ADGRL1: variants seen among roughly 807,000 people sequenced by gnomAD.
ADGRL1 encodes the protein CIRL-1.
Under a neutral mutation model 148.9 loss-of-function variants are expected in ADGRL1, and 31 were observed. That is an observed-to-expected ratio of 0.21 (90% CI 0.16 to 0.28). The LOEUF is 0.28. Among genes scored for constraint, ADGRL1 ranks in the 10% least tolerant of loss-of-function variants. The pLI is 1.00. For missense variants in ADGRL1, 1,521 were observed against 2,058.8 expected (o/e 0.74, Z 5.05); for synonymous variants, 937 against 900.3 (o/e 1.04, Z -0.73).
rs1255599046 is a variant in ADGRL1, at chr19:14,150,754, G to A, written c.*119C>T. 4 of 1,257,630 alleles carry A rather than the reference G, an allele frequency of 3.2e-6. No homozygotes were observed. Among genetic ancestry groups the A allele is most frequent in the Non-Finnish European group, 4.4e-6 (4 of 914,668 alleles). The allele number at this position is 1,257,630 out of a possible 1,614,324, so 77.9% of individuals were successfully genotyped here. On this transcript the variant is annotated 3_prime_UTR_variant, in exon 23 of 23. Transcript: ENST00000361434. ...GGGACTGTAGGGCCCATGGCTGAGGGGCACCTGGAGAGAGTGGCCCACCAG... is the reference window on the plus strand; with the variant it reads ...GGGACTGTAGGGCCCATGGCTGAGGAGCACCTGGAGAGAGTGGCCCACCAG...
chr19:14,192,441 A>G (rs1284741262), intron 1 of ADGRL1, among the ~76,000 whole-genome samples: 2 of 152,034 alleles, frequency 1.3e-5, no homozygotes, highest in Non-Finnish European at 2.9e-5. Context: ...ACGTTTTGCC[A>G]TGTTGGTCAG....
At position 14,156,681 on chromosome 19, in the gene ADGRL1, C is replaced by G; in HGVS notation, c.3010G>C (p.Gly1004Arg). The change falls in exon 16 of 23, where the codon GGG (glycine) becomes CGG (arginine). Residue 1004 changes from glycine to arginine, a missense_variant. Gly to Arg is a moderately radical substitution (Grantham distance 125). This residue lies in a region of ADGRL1 where 185 missense variants were observed against 251.7 expected (regional missense o/e 0.74). Coordinates refer to ENST00000361434, the MANE Select transcript of ADGRL1 (RefSeq NM_014921.5). ...ACCACGATAACGAAGGAGACTGGCC[C>G]GATGAAACTCCAGATGAAGTAATTG... ...VDNYFIWSFIGPVSFVIVVNL... is the reference protein window; with the variant it reads ...VDNYFIWSFIRPVSFVIVVNL... 1 of 1,611,460 alleles carries G rather than the reference C, an allele frequency of 6.2e-7. No individual in the cohort carries two copies. The highest frequency in any genetic ancestry group is 8.5e-7 in the Non-Finnish European group (1 of 1,178,994).
intron 1 of ADGRL1, among the ~76,000 whole-genome samples, chr19:14,190,809 C>T (rs1192022478): frequency 6.6e-6 from 1 of 151,790 alleles, no homozygotes; most frequent in Non-Finnish European, 1.5e-5. Context: ...CAATCTTGGC[C>T]GGGCGCAGTG....
At chr19:14,184,642 A>ATT (rs1283218279) in intron 1 of ADGRL1, among the ~76,000 whole-genome samples, 32 of 107,880 alleles carry the variant, frequency 3.0e-4, no homozygotes, top group South Asian at 1.2e-3. Flanking sequence ...TTATTTATTT[A>ATT]TTTATTTTTT....
chr19:14,192,811 A>T (rs1361694778), intron 1 of ADGRL1, among the ~76,000 whole-genome samples: 1 of 152,068 alleles, frequency 6.6e-6, no homozygotes, highest in African/African-American at 2.4e-5. Context: ...TCGGCCTCCC[A>T]AAGTGCTGAG....
At chr19:14,181,549 T>A (rs1425648662) in intron 2 of ADGRL1, among the ~76,000 whole-genome samples, 1 of 151,936 alleles carries the variant, frequency 6.6e-6, no homozygotes, top group Non-Finnish European at 1.5e-5. Flanking sequence ...TGAAACCCTG[T>A]CTCTACTAAA....
intron 1 of ADGRL1, 109 bp downstream of exon 1, chr19:14,205,876 C>G (rs1972974784): frequency 6.6e-6 from 1 of 151,936 alleles, no homozygotes; most frequent in African/African-American, 2.4e-5. Flanking sequence ...CCCCTCGCGG[C>G]CAGGACAGGC....
At position 14,161,734 on chromosome 19, in the gene ADGRL1, T is replaced by G; in HGVS notation, c.1196-108A>C. The G allele has an allele frequency of 1.3e-6, 1 of 773,488 alleles. No homozygotes were observed. The highest frequency in any genetic ancestry group is 1.8e-6 in the Non-Finnish European group (1 of 549,398). 47.9% of individuals were successfully genotyped at this position (773,488 alleles called of 1,614,324 possible). A position where few individuals can be genotyped will look rare whatever the true frequency, so the allele number is the denominator to read the frequency against. On this transcript the variant is annotated intron_variant, in intron 5 of 22. Coordinates refer to ENST00000361434, the MANE Select transcript of ADGRL1 (RefSeq NM_014921.5). The surrounding 1 kb of genome is among the most constrained non-coding windows in gnomAD (Gnocchi z 4.4). ...TTAGCATCTTCCTCATCTACTGAAG[T>G]GGAAACACGTGCCGGGCCCCACTGG... is the stretch of plus-strand genomic sequence containing the variant.
At chr19:14,185,200 TCTTTG>T (rs1040519944) in intron 1 of ADGRL1, among the ~76,000 whole-genome samples, 8 of 152,148 alleles carry the variant, frequency 5.3e-5, no homozygotes, top group African/African-American at 1.9e-4. Flanking sequence ...TGTCCTCAGC[TCTTTG>T]CTTTATCTAC....
At chr19:14,167,457 T>C (rs1355746733) in intron 4 of ADGRL1, among the ~76,000 whole-genome samples, 1 of 151,812 alleles carries the variant, frequency 6.6e-6, no homozygotes, top group Non-Finnish European at 1.5e-5. Flanking sequence ...CAGGGAGTGG[T>C]GGGGTGGATA....
In ADGRL1 at chr19:14,164,356, GAC is replaced by G. The variant is rs1046230117; in HGVS notation, c.395-952_395-951del. Among the ~76,000 whole-genome samples the G allele has an allele frequency of 4.6e-5, 7 of 152,234 alleles. 1 individual carries two copies. In the South Asian group the frequency reaches 1.2e-3, roughly 27 times the overall value. On this transcript the variant is annotated intron_variant, in intron 4 of 22. Transcript: ENST00000361434. ...AGGAGAGCTGTGCAGAGGGAAGAGA[GAC>G]AAGGGCGTATGGGGCTTGGCGAGGT...
At chr19:14,165,555 C>T (rs964458038) in intron 4 of ADGRL1, among the ~76,000 whole-genome samples, 1 of 152,170 alleles carries the variant, frequency 6.6e-6, no homozygotes, top group African/African-American at 2.4e-5. Context: ...ACTCCCAATC[C>T]CTCCTCTTCC....
rs895679789 is a variant in ADGRL1, at chr19:14,160,412, G to A, written c.1615-115C>T. On this transcript the variant is annotated intron_variant, in intron 7 of 22. Coordinates refer to ENST00000361434, the MANE Select transcript of ADGRL1 (RefSeq NM_014921.5). This position sits in a 1 kb window ranked among gnomAD's most constrained non-coding sequence, Gnocchi z 5.9. ...CTATCTCTCTCTCCACTTCCCCATC[G>A]CCATCTGCCCCTTCCCACCCCATCT... 1.2e-5 allele frequency: 13 copies of A among 1,048,698 alleles called. No individual in the cohort carries two copies. Among genetic ancestry groups the A allele is most frequent in the Non-Finnish European group, 1.6e-5 (12 of 732,642 alleles). 65.0% of individuals were successfully genotyped at this position (1,048,698 alleles called of 1,614,324 possible). A position where few individuals can be genotyped will look rare whatever the true frequency, so the allele number is the denominator to read the frequency against.
rs1411040355 is a variant in ADGRL1, at chr19:14,163,094, C to T, written c.707G>A (p.Arg236His). The T allele has an allele frequency of 5.6e-6, 9 of 1,613,944 alleles. No homozygotes were observed. Among genetic ancestry groups the T allele is most frequent in the South Asian group, 3.3e-5 (3 of 91,094 alleles). Residue 236 changes from arginine to histidine, a missense_variant, in exon 5 of 23, where the codon CGC (arginine) becomes CAC (histidine). By Grantham distance (29) the Arg-to-His change is conservative. This residue lies in a region of ADGRL1 where 334 missense variants were observed against 512.5 expected (regional missense o/e 0.65). Coordinates refer to ENST00000361434, the MANE Select transcript of ADGRL1 (RefSeq NM_014921.5). Reference sequence around the variant, plus strand: ...GATGACCGTCTCCCCGCTCTTGATGCGCGTCCGTAGGTCATACTTGACGAT... The same window carrying T: ...GATGACCGTCTCCCCGCTCTTGATGTGCGTCCGTAGGTCATACTTGACGAT... ...RNIVKYDLRT[R>H]IKSGETVINT...
rs759478420 is a variant in ADGRL1, at chr19:14,161,992, GC to G, written c.1196-367del. Among the ~76,000 whole-genome samples the G allele has an allele frequency of 3.9e-5, 6 of 152,234 alleles. No individual in the cohort carries two copies. Among genetic ancestry groups the G allele is most frequent in the Non-Finnish European group, 8.8e-5 (6 of 68,004 alleles). ...AGGTCAGCCCCGCCACCAGGTGGGGGCTGAATACCACCGCCCCCCATCCTCG... is the reference window on the plus strand; with the variant it reads ...AGGTCAGCCCCGCCACCAGGTGGGGGTGAATACCACCGCCCCCCATCCTCG... On this transcript the variant is annotated intron_variant, in intron 5 of 22. Coordinates refer to ENST00000361434, the MANE Select transcript of ADGRL1 (RefSeq NM_014921.5). This position sits in a 1 kb window ranked among gnomAD's most constrained non-coding sequence, Gnocchi z 4.4.
At position 14,163,025 on chromosome 19, in the gene ADGRL1, C is replaced by A; in HGVS notation, c.776G>T (p.Gly259Val). The A allele has an allele frequency of 3.7e-6, 6 of 1,614,120 alleles. No homozygotes were observed. The highest frequency in any genetic ancestry group is 5.1e-6 in the Non-Finnish European group (6 of 1,180,036). The stretch of plus-strand genomic sequence containing the variant: ...CACCGCCAGGTCAATGTCGGTCTTT[C>A]CGCCCCAGCGGTAGGGCGAGGTGTC... Reference protein sequence around the residue: ...YHDTSPYRWGGKTDIDLAVDE... With the variant: ...YHDTSPYRWGVKTDIDLAVDE... The change falls in exon 5 of 23, where the codon GGA (glycine) becomes GTA (valine). Residue 259 changes from glycine to valine, a missense_variant. By Grantham distance (109) the Gly-to-Val change is moderately radical (BLOSUM62 -3). Coordinates refer to ENST00000361434, the MANE Select transcript of ADGRL1 (RefSeq NM_014921.5).
chr19:14,182,714 C>G (rs1971283825), intron 2 of ADGRL1, among the ~76,000 whole-genome samples: 1 of 152,178 alleles, frequency 6.6e-6, no homozygotes, highest in African/African-American at 2.4e-5. Flanking sequence ...CCCTCCCGGC[C>G]CAGCTGGGGC....
chr19:14,152,019 T>C lies in ADGRL1; in HGVS notation c.3667+114A>G. ...GGCTGTGTGTCGGGGGGTGGGGAAA[T>C]GTGGGCATGGGGAGGCATCCCGAGT... On this transcript the variant is annotated intron_variant, in intron 22 of 22. Transcript: ENST00000361434. The surrounding 1 kb of genome is among the most constrained non-coding windows in gnomAD (Gnocchi z 6.1). The C allele has an allele frequency of 1.1e-6, 1 of 946,882 alleles. No individual in the cohort carries two copies. The allele number at this position is 946,882 out of a possible 1,614,324, so 58.7% of individuals were successfully genotyped here.
intron 18 of ADGRL1, among the ~76,000 whole-genome samples, chr19:14,154,262 A>G (rs150406640): frequency 6.6e-6 from 1 of 152,282 alleles, no homozygotes; most frequent in African/African-American, 2.4e-5. Flanking sequence ...CAGGATTCTC[A>G]TGATCACTGC....
Sources: gnomAD v4.1 joint callset for allele counts (sites outside exome capture counted in the v4.1 genomes callset) on GRCh38, gnomAD v4.1.1 for gene constraint, gnomAD v4.1.1 regional missense constraint, Gnocchi (gnomAD v3.1) non-coding constraint, MANE v1.5 for transcripts, NCBI Gene and HGNC (gene_info 2026-07-23, HGNC 2026-07-21) for gene names.